Variants in SENP7 observed in about 807,000 individuals in gnomAD.
SENP7 encodes the protein sentrin-specific protease 7.
In SENP7, 64 loss-of-function variants were observed where a neutral mutation model predicts 141.2. That is an observed-to-expected ratio of 0.45 (90% CI 0.37 to 0.56). The LOEUF (loss-of-function observed/expected upper bound fraction) is 0.56. Ranked by LOEUF, SENP7 falls within the 20% of genes least tolerant of loss-of-function variation. The pLI is 0.00. For missense variants in SENP7, 1,025 were observed against 1,212.2 expected (o/e 0.85, Z 2.29); for synonymous variants, 382 against 426.4 (o/e 0.90, Z 1.28).
intron 6 of SENP7, among the ~76,000 whole-genome samples, chr3:101,380,891 G>A (rs2060483799): frequency 6.6e-6 from 1 of 151,908 alleles, no homozygotes; most frequent in African/African-American, 2.4e-5. Context: ...ATAAAAAGTA[G>A]GTAGATCTAT....
chr3:101,450,752 G>A (rs1424220788), intron 4 of SENP7, among the ~76,000 whole-genome samples: 1 of 152,168 alleles, frequency 6.6e-6, no homozygotes, highest in Non-Finnish European at 1.5e-5. Context: ...ATGCTCACAA[G>A]AGAAAGCAGG....
Position 101,372,020 on chromosome 3 carries a change from T to C in SENP7, c.784A>G (p.Thr262Ala), listed in dbSNP as rs2107437772. ...DDGISLLISD[T>A]QPEDLNSGSR... ...AAGGTTCACAAACCTTCAGGCTGAG[T>C]ATCAGATATTAAAAGAGAAATGCCA... The change falls in exon 7 of 24, where the codon ACT becomes GCT. Residue 262 changes from threonine (T) to alanine (A), a missense_variant. Physicochemically the swap from Thr to Ala is moderately conservative, Grantham distance 58. Transcript: ENST00000394095. 1 of 1,523,844 alleles carries C rather than the reference T, an allele frequency of 6.6e-7. No homozygotes were observed. The highest frequency in any genetic ancestry group is 2.3e-5 in the East Asian group (1 of 43,880). The allele number at this position is 1,523,844 out of a possible 1,614,324, so 94.4% of individuals were successfully genotyped here. A position where few individuals can be genotyped will look rare whatever the true frequency, so the allele number is the denominator to read the frequency against.
chr3:101,349,819 A>C (rs2059569309), intron 12 of SENP7, among the ~76,000 whole-genome samples: 1 of 152,146 alleles, frequency 6.6e-6, no homozygotes, highest in Non-Finnish European at 1.5e-5. Flanking sequence ...CAGATACTAA[A>C]AGTGGGAGTT....
At chr3:101,435,978 C>A (rs2062372705) in intron 4 of SENP7, among the ~76,000 whole-genome samples, 2 of 151,994 alleles carry the variant, frequency 1.3e-5, no homozygotes, top group Non-Finnish European at 2.9e-5. Flanking sequence ...CTATCTTGAG[C>A]AAAAAGAACA....
chr3:101,447,960 T>A (rs1458743023), intron 4 of SENP7, among the ~76,000 whole-genome samples: 1 of 152,172 alleles, frequency 6.6e-6, no homozygotes, highest in Non-Finnish European at 1.5e-5. Context: ...CTCACAAAGA[T>A]TCCAAGACAA....
Position 101,513,041 on chromosome 3 carries a change from T to A in SENP7, c.40+50A>T, listed in dbSNP as rs571213971. The A allele has an allele frequency of 4.1e-5, 65 of 1,600,878 alleles. No individual in the cohort carries two copies. In the African/African-American group the frequency reaches 7.4e-4, roughly 18 times the overall value. On this transcript the variant is annotated intron_variant, in intron 1 of 23. Coordinates refer to ENST00000394095, the MANE Select transcript of SENP7 (RefSeq NM_020654.5). ...CCAGCTGCCGCCTGCGCCTCCCGTT[T>A]CCCCCGGGTAGGAGACAATATGTTC...
In SENP7 at chr3:101,459,422, T is replaced by C. The variant is rs115645190; in HGVS notation, c.187-370A>G. On this transcript the variant is annotated intron_variant, in intron 3 of 23. Coordinates refer to ENST00000394095, the MANE Select transcript of SENP7 (RefSeq NM_020654.5). Reference sequence around the variant, plus strand: ...CTGTACTTATAACAATTGAAAGATATTAAAATTAGTTACCTAGGAACTGCC... The same window carrying C: ...CTGTACTTATAACAATTGAAAGATACTAAAATTAGTTACCTAGGAACTGCC... Among the ~76,000 whole-genome samples, 426 of 152,292 alleles carry C rather than the reference T, an allele frequency of 2.8e-3. 2 individuals carry two copies. Among genetic ancestry groups the C allele is most frequent in the Non-Finnish European group, 4.9e-3 (334 of 68,006 alleles).
intron 6 of SENP7, among the ~76,000 whole-genome samples, chr3:101,382,872 T>C (rs757804988): frequency 2.0e-5 from 3 of 152,172 alleles, no homozygotes; most frequent in Non-Finnish European, 2.9e-5. Context: ...ATATCAAAGA[T>C]ACTATAAAGA....
chr3:101,512,041 C>G (rs567107615), intron 1 of SENP7, among the ~76,000 whole-genome samples: 1 of 152,248 alleles, frequency 6.6e-6, no homozygotes, highest in East Asian at 1.9e-4. Context: ...AGGATGGTCT[C>G]GATCTCCTGA....
At chr3:101,442,277 CAG>C (rs1237356946) in intron 4 of SENP7, among the ~76,000 whole-genome samples, 1 of 152,170 alleles carries the variant, frequency 6.6e-6, no homozygotes, top group African/African-American at 2.4e-5. Context: ...CACCAGGCAC[CAG>C]TTTCAGGGAA....
intron 6 of SENP7, among the ~76,000 whole-genome samples, chr3:101,380,443 C>CACACA (rs767226656): frequency 6.4e-5 from 6 of 94,204 alleles, no homozygotes; most frequent in African/African-American, 1.7e-4. Flanking sequence ...CCGCCCCCCC[C>CACACA]CCCACACACA....
intron 19 of SENP7, 45 bp downstream of exon 19, chr3:101,331,940 T>C (rs760647759): frequency 1.3e-6 from 2 of 1,591,858 alleles, no homozygotes; most frequent in Non-Finnish European, 1.7e-6. Flanking sequence ...ACCATTAAAT[T>C]ATTGTCATCA....
intron 4 of SENP7, among the ~76,000 whole-genome samples, chr3:101,455,856 G>C (rs2063334333): frequency 1.3e-5 from 2 of 152,016 alleles, no homozygotes; most frequent in African/African-American, 2.4e-5. Flanking sequence ...AGATATTCTA[G>C]ATATCCTAAC....
intron 4 of SENP7, among the ~76,000 whole-genome samples, chr3:101,436,897 T>C (rs916794416): frequency 1.3e-5 from 2 of 152,186 alleles, no homozygotes; most frequent in Admixed American, 1.3e-4. Context: ...AAAATTGAAC[T>C]ACCGTATGAT....
Position 101,405,200 on chromosome 3 carries a change from C to G in SENP7, c.483-6145G>C, listed in dbSNP as rs2061263800. Among the ~76,000 whole-genome samples the G allele has an allele frequency of 3.3e-5, 5 of 152,252 alleles. No individual in the cohort carries two copies. In the South Asian group the frequency reaches 1.0e-3, roughly 32 times the overall value. The stretch of plus-strand genomic sequence containing the variant: ...TACACCAGCATGACCCAGGACACCC[C>G]AAATACTATGCTGGTATCCATGGCT... On this transcript the variant is annotated intron_variant, in intron 5 of 23. Coordinates refer to ENST00000394095, the MANE Select transcript of SENP7 (RefSeq NM_020654.5).
At chr3:101,378,625 C>T (rs1353077099) in intron 6 of SENP7, among the ~76,000 whole-genome samples, 1 of 151,944 alleles carries the variant, frequency 6.6e-6, no homozygotes, top group Non-Finnish European at 1.5e-5. Flanking sequence ...GGTAAAGAAA[C>T]AGAGGAAAAA....
Position 101,325,453 on chromosome 3 carries a change from C to A in SENP7, c.*490G>T, listed in dbSNP as rs1383554562. 2 of 152,436 alleles carry A rather than the reference C, an allele frequency of 1.3e-5. 1 individual carries two copies. Among genetic ancestry groups the A allele is most frequent in the Admixed American group, 1.3e-4 (2 of 15,248 alleles). 9.4% of individuals were successfully genotyped at this position (152,436 alleles called of 1,614,324 possible). ...AATGGCATTTTCTGAAGCCTTGATA[C>A]TAAATTATTTTTTTAAAAAATACAC... On this transcript the variant is annotated 3_prime_UTR_variant, in exon 24 of 24. Coordinates refer to ENST00000394095, the MANE Select transcript of SENP7 (RefSeq NM_020654.5).
intron 3 of SENP7, among the ~76,000 whole-genome samples, chr3:101,477,066 G>T (rs970234761): frequency 2.0e-5 from 3 of 152,132 alleles, no homozygotes; most frequent in African/African-American, 4.8e-5. Flanking sequence ...TCACTCTGAT[G>T]ATAGTTTCTT....
Position 101,469,922 on chromosome 3 carries a change from T to A in SENP7, c.187-10870A>T, listed in dbSNP as rs142837981. Among the ~76,000 whole-genome samples, 250 of 150,176 alleles carry A rather than the reference T, an allele frequency of 1.7e-3. 1 individual carries two copies. The highest frequency in any genetic ancestry group is 5.8e-3 in the African/African-American group (235 of 40,712). ...AAATTAGATGTCAGAATTAAGAAAC[T>A]CATTCAAAACCACACAACTACATGG... On this transcript the variant is annotated intron_variant, in intron 3 of 23. Coordinates refer to ENST00000394095, the MANE Select transcript of SENP7 (RefSeq NM_020654.5).
Sources: gnomAD v4.1 joint callset for allele counts (sites outside exome capture counted in the v4.1 genomes callset) on GRCh38, gnomAD v4.1.1 for gene constraint, MANE v1.5 for transcripts, NCBI Gene and HGNC (gene_info 2026-07-23, HGNC 2026-07-21) for gene names.